Variants in XPO4 observed in about 807,000 individuals in gnomAD.
XPO4 encodes the protein exportin 4, also known as exportin-4.
In XPO4, 39 loss-of-function variants were observed where a neutral mutation model predicts 143.0. The ratio of observed to expected loss-of-function variants is 0.27; its 90% CI spans 0.21 to 0.36. The LOEUF (loss-of-function observed/expected upper bound fraction) is 0.36, where lower values mean the gene tolerates loss of function less well. XPO4 is among the 10% of genes least tolerant of loss of function. The pLI, the probability that XPO4 is intolerant of heterozygous loss-of-function variation, is 1.00. For missense variants in XPO4, 907 were observed against 1,348.0 expected (o/e 0.67, Z 5.12); for synonymous variants, 439 against 474.0 (o/e 0.93, Z 0.96).
chr13:20,822,118 G>T lies in XPO4; in HGVS notation c.998+14C>A. 6.3e-7 allele frequency: 1 copy of T among 1,594,820 alleles called. No homozygotes were observed. The highest frequency in any genetic ancestry group is 8.5e-7 in the Non-Finnish European group (1 of 1,171,418). On this transcript the variant is annotated intron_variant, in intron 8 of 22. Coordinates refer to ENST00000255305, the MANE Select transcript of XPO4 (RefSeq NM_022459.5). ...AGAGCTCCTTTTTCAGCTGCAAAGG[G>T]CAAGTATACCTACCCATTGATAGTA... is the stretch of plus-strand genomic sequence containing the variant.
rs375048782 is a variant in XPO4 at position 20,821,808 on chromosome 13, G to T, written c.1069C>A (p.Arg357=). ...CTTGGAATGGCAGTTAAAACATTTCGTGGGAACACGGTTATCAGGTTGCTG... is the reference window on the plus strand; with the variant it reads ...CTTGGAATGGCAGTTAAAACATTTCTTGGGAACACGGTTATCAGGTTGCTG... The part of the protein sequence containing the change: ...IISNLITVFP[R]NVLTAIPSEL... The change falls in exon 9 of 23, where the codon CGA becomes AGA. Residue 357 remains arginine (R), a synonymous_variant. Transcript: ENST00000255305. 7.6e-5 allele frequency: 123 copies of T among 1,613,966 alleles called. No homozygotes were observed. The highest frequency in any genetic ancestry group is 9.7e-5 in the Non-Finnish European group (114 of 1,179,972).
At chr13:20,859,548 G>C (rs142793152) in intron 3 of XPO4, among the ~76,000 whole-genome samples, 3,132 of 151,118 alleles carry the variant, frequency 0.021, 82 homozygotes, top group Middle Eastern at 0.076. Flanking sequence ...TTCAGTGAGC[G>C]GAGATCACGC....
chr13:20,889,142 C>T (rs1353649831), intron 1 of XPO4, among the ~76,000 whole-genome samples: 3 of 149,952 alleles, frequency 2.0e-5, no homozygotes, highest in African/African-American at 4.9e-5. Flanking sequence ...TTCTTCAATG[C>T]GGTAGCCACT....
chr13:20,850,612 A>T (rs2138084659), intron 4 of XPO4, among the ~76,000 whole-genome samples: 1 of 152,274 alleles, frequency 6.6e-6, no homozygotes, highest in African/African-American at 2.4e-5. Context: ...AAAAAATTTT[A>T]AAATTAGCCA....
intron 3 of XPO4, among the ~76,000 whole-genome samples, chr13:20,858,345 G>A (rs931112492): frequency 1.3e-5 from 2 of 152,140 alleles, no homozygotes; most frequent in Non-Finnish European, 2.9e-5. Flanking sequence ...CAAGAGTATT[G>A]AGATTATGCT....
intron 18 of XPO4, among the ~76,000 whole-genome samples, chr13:20,792,255 G>A (rs571465413): frequency 1.2e-4 from 18 of 152,212 alleles, no homozygotes; most frequent in Middle Eastern, 3.4e-3. Flanking sequence ...AGACCAGCCC[G>A]GCCAACATGG....
chr13:20,883,917 G>A (rs1325819412), intron 1 of XPO4, among the ~76,000 whole-genome samples: 12 of 152,216 alleles, frequency 7.9e-5, no homozygotes, highest in Non-Finnish European at 1.2e-4. Context: ...ACAGGCATGC[G>A]CCACCACACA....
intron 4 of XPO4, among the ~76,000 whole-genome samples, chr13:20,847,882 G>T (rs1424744089): frequency 6.6e-6 from 1 of 152,132 alleles, no homozygotes; most frequent in Non-Finnish European, 1.5e-5. Flanking sequence ...AGATCATGAA[G>T]AATTAAGTTA....
chr13:20,804,115 T>C (rs1032969459), intron 13 of XPO4, among the ~76,000 whole-genome samples: 3 of 149,348 alleles, frequency 2.0e-5, no homozygotes, highest in South Asian at 2.1e-4. Flanking sequence ...TTTTTTATCA[T>C]ATATATACAC....
chr13:20,808,453 C>A lies in XPO4; in HGVS notation c.1622G>T (p.Trp541Leu). The stretch of plus-strand genomic sequence containing the variant: ...CAACCAACCTGTAACTAAAATAAGC[C>A]AGTGAATATCTTCATAGAGATCATC... Reference protein sequence around the residue: ...MLDDLYEDIHWLILVTGYLLA... With the variant: ...MLDDLYEDIHLLILVTGYLLA... Residue 541 changes from tryptophan to leucine, a missense_variant, in exon 12 of 23, where the codon TGG (tryptophan) becomes TTG (leucine). Transcript: ENST00000255305. The A allele has an allele frequency of 6.6e-7, 1 of 1,523,064 alleles. No homozygotes were observed. The highest frequency in any genetic ancestry group is 1.3e-5 in the South Asian group (1 of 76,764). The allele number at this position is 1,523,064 out of a possible 1,614,324, so 94.3% of individuals were successfully genotyped here. A position where few individuals can be genotyped will look rare whatever the true frequency, so the allele number is the denominator to read the frequency against.
At chr13:20,814,152 G>A (rs1466009665) in intron 9 of XPO4, among the ~76,000 whole-genome samples, 2 of 140,336 alleles carry the variant, frequency 1.4e-5, no homozygotes, top group Admixed American at 1.5e-4. Flanking sequence ...CATATCACAA[G>A]AGGAATTTAG....
At position 20,868,715 on chromosome 13, in the gene XPO4, G is replaced by C. The variant is rs779261476; in HGVS notation, c.70-14C>G. The C allele has an allele frequency of 3.1e-6, 5 of 1,607,148 alleles. No homozygotes were observed. Among genetic ancestry groups the C allele is most frequent in the Non-Finnish European group, 4.3e-6 (5 of 1,175,660 alleles). On this transcript the variant is annotated splice_polypyrimidine_tract_variant and intron_variant, in intron 1 of 22. Coordinates refer to ENST00000255305, the MANE Select transcript of XPO4 (RefSeq NM_022459.5). ...GGAAGGTGGTGCCTTGAGAGTTAAAGACAAGAACAGATACACTTATCTAAT... is the reference window on the plus strand; with the variant it reads ...GGAAGGTGGTGCCTTGAGAGTTAAACACAAGAACAGATACACTTATCTAAT...
At chr13:20,857,314 A>C (rs2060153340) in intron 3 of XPO4, among the ~76,000 whole-genome samples, 1 of 152,246 alleles carries the variant, frequency 6.6e-6, no homozygotes, top group Non-Finnish European at 1.5e-5. Flanking sequence ...TTATTAGAAT[A>C]AATAATAGCT....
Position 20,856,825 on chromosome 13 carries a change from T to G in XPO4, c.318-1060A>C. 3.0e-6 allele frequency: 3 copies of G among 985,000 alleles called. 1 individual carries two copies. The South Asian group carries it at 1.4e-4, about 46-fold the overall frequency. The allele number at this position is 985,000 out of a possible 1,614,324, so 61.0% of individuals were successfully genotyped here. A position where few individuals can be genotyped will look rare whatever the true frequency, so the allele number is the denominator to read the frequency against. ...TGACTTCCAGGCCTCTGAACTTCTATTCCCTCTCCCAAGATTATGACGTCA... is the reference window on the plus strand; with the variant it reads ...TGACTTCCAGGCCTCTGAACTTCTAGTCCCTCTCCCAAGATTATGACGTCA... On this transcript the variant is annotated intron_variant, in intron 3 of 22. Transcript: ENST00000255305.
intron 3 of XPO4, among the ~76,000 whole-genome samples, chr13:20,862,003 C>T (rs990744405): frequency 5.3e-5 from 8 of 151,816 alleles, no homozygotes; most frequent in African/African-American, 4.8e-5. Context: ...TGGCCAGGAT[C>T]GTCTTGATCT....
At chr13:20,881,839 A>G (rs914323390) in intron 1 of XPO4, among the ~76,000 whole-genome samples, 4 of 152,090 alleles carry the variant, frequency 2.6e-5, no homozygotes, top group South Asian at 4.2e-4. Flanking sequence ...TGGGCACAGT[A>G]GCTCACACCT....
rs1595056630 is a variant in XPO4 at position 20,792,050 on chromosome 13, A to G, written c.2798-1470T>C. Among the ~76,000 whole-genome samples, 3 of 152,324 alleles carry G rather than the reference A, an allele frequency of 2.0e-5. No individual in the cohort carries two copies. The East Asian group carries it at 5.8e-4, about 29-fold the overall frequency. The stretch of plus-strand genomic sequence containing the variant: ...GACTCCCTGCTCCAGGTATCTGCCA[A>G]GAAGACACGTCTCTCAGAGCCGGCA... On this transcript the variant is annotated intron_variant, in intron 18 of 22. Coordinates refer to ENST00000255305, the MANE Select transcript of XPO4 (RefSeq NM_022459.5).
At position 20,796,736 on chromosome 13, in the gene XPO4, T is replaced by G. The variant is rs1256718793; in HGVS notation, c.2616+28A>C. The G allele has an allele frequency of 5.9e-6, 9 of 1,533,198 alleles. No individual in the cohort carries two copies. The South Asian group carries it at 1.2e-4, about 21-fold the overall frequency. 95.0% of individuals were successfully genotyped at this position (1,533,198 alleles called of 1,614,324 possible). On this transcript the variant is annotated intron_variant, in intron 17 of 22. Transcript: ENST00000255305. ...TTACAGCTTCAAAGAGTTTTAATCC[T>G]GAGGGGATAAAATTAGAAAGTGCTT...
chr13:20,866,268 GAAAAT>G (rs2060244256), intron 2 of XPO4: 5 of 984,406 alleles, frequency 5.1e-6, no homozygotes, highest in Non-Finnish European at 6.0e-6. Context: ...AAAGAGCAAA[GAAAAT>G]AAAAACTAGA....
Sources: gnomAD v4.1 joint callset for allele counts (sites outside exome capture counted in the v4.1 genomes callset) on GRCh38, gnomAD v4.1.1 for gene constraint, MANE v1.5 for transcripts, NCBI Gene and HGNC (gene_info 2026-07-23, HGNC 2026-07-21) for gene names.